The following MSH5 variants were observed in gnomAD, a reference collection of about 807,000 sequenced individuals.
The protein encoded by MSH5 is mutS homolog 5.
In MSH5, 78 loss-of-function variants were observed where a neutral mutation model predicts 107.7. The observed-to-expected ratio is 0.72, with a 90% confidence interval of 0.60 to 0.87. MSH5 has a LOEUF of 0.87. MSH5 is among the 40% of genes least tolerant of loss of function. The pLI is 0.00. For synonymous variants in MSH5, 326 were observed against 399.5 expected (o/e 0.82, Z 2.19); for missense variants, 889 against 1,046.6 (o/e 0.85, Z 2.08).
At chr6:31,753,099 A>T (rs974581654) in intron 10 of MSH5, among the ~76,000 whole-genome samples, 1 of 152,216 alleles carries the variant, frequency 6.6e-6, no homozygotes, top group Non-Finnish European at 1.5e-5. Context: ...AGACACAATT[A>T]TGCTCACATC....
In MSH5 at chr6:31,761,231, T is replaced by C; in HGVS notation, c.2006T>C (p.Leu669Pro). ...AATGCCACTGCACAGTCGCTGGTCC[T>C]TATTGATGAATTTGGAAAGGGAACC... ...VNNATAQSLV[L>P]IDEFGKGTNT... The change falls in exon 21 of 25, where the codon CTT becomes CCT. Residue 669 changes from leucine (L) to proline (P), a missense_variant. Physicochemically the swap from Leu to Pro is moderately conservative, Grantham distance 98. Transcript: ENST00000375750. This position sits in a 1 kb window ranked among gnomAD's most constrained non-coding sequence, Gnocchi z 5.3. 1 of 1,613,960 alleles carries C rather than the reference T, an allele frequency of 6.2e-7. No homozygotes were observed. Among genetic ancestry groups the C allele is most frequent in the African/African-American group, 1.3e-5 (1 of 75,032 alleles).
intron 5 of MSH5, chr6:31,743,482 C>T: frequency 2.0e-6 from 1 of 494,484 alleles, no homozygotes; most frequent in Non-Finnish European, 3.6e-6. Context: ...TATCACCAAA[C>T]CAAAAGGCAC....
rs192230588 is a variant in MSH5 at position 31,758,051 on chromosome 6, C to T, written c.1015-114C>T. ...GTTTCTTTTTGCCTTTGAGATCTTC[C>T]CTCTTTGTTACTGTGATCTTCCCTA... On this transcript the variant is annotated intron_variant, in intron 12 of 24. Transcript: ENST00000375750. This position sits in a 1 kb window ranked among gnomAD's most constrained non-coding sequence, Gnocchi z 5.1. The T allele has an allele frequency of 4.0e-5, 53 of 1,323,330 alleles. No homozygotes were observed. Among genetic ancestry groups the T allele is most frequent in the Non-Finnish European group, 4.8e-5 (45 of 945,906 alleles). The allele number at this position is 1,323,330 out of a possible 1,614,324, so 82.0% of individuals were successfully genotyped here. A position where few individuals can be genotyped will look rare whatever the true frequency, so the allele number is the denominator to read the frequency against.
At position 31,742,879 on chromosome 6, in the gene MSH5, C is replaced by G. The variant is rs1475168724; in HGVS notation, c.274C>G (p.Leu92Val). The G allele has an allele frequency of 6.2e-7, 1 of 1,612,824 alleles. No individual in the cohort carries two copies. The highest frequency in any genetic ancestry group is 8.5e-7 in the Non-Finnish European group (1 of 1,179,946). ...HESLKLLQRV[L>V]DEINPQSVVT... ...TTGATCTCTGTTCTCCTTCCAAGTT[C>G]TGGATGAGATCAATCCCCAGTCTGT... The change falls in exon 4 of 25, where the codon CTG (leucine) becomes GTG (valine). Residue 92 changes from leucine (L) to valine (V), a missense_variant and splice_region_variant. Coordinates refer to ENST00000375750, the MANE Select transcript of MSH5 (RefSeq NM_172166.4).
chr6:31,747,751 A>T (rs1381668621), intron 10 of MSH5, among the ~76,000 whole-genome samples: 1 of 152,192 alleles, frequency 6.6e-6, no homozygotes, highest in Non-Finnish European at 1.5e-5. Flanking sequence ...CACACCTGTA[A>T]TCCCAGCACT....
chr6:31,743,112 C>G lies in MSH5; in HGVS notation c.357C>G (p.Ser119=), dbSNP rs766669165. 1 of 1,612,972 alleles carries G rather than the reference C, an allele frequency of 6.2e-7. No homozygotes were observed. The highest frequency in any genetic ancestry group is 1.7e-5 in the Admixed American group (1 of 60,000). Residue 119 remains serine, a synonymous_variant, in exon 5 of 25, where the codon TCC becomes TCG. Coordinates refer to ENST00000375750, the MANE Select transcript of MSH5 (RefSeq NM_172166.4). The part of the protein sequence containing the change: ...NMTRFLGKLA[S]QEHREPKRPE... ...CTTTTCTTTCCTCCCCCACAGCCTC[C>G]CAGGAGCACAGAGAGCCTAAAAGAC...
intron 9 of MSH5, among the ~76,000 whole-genome samples, chr6:31,745,988 G>T (rs576673803): frequency 2.0e-5 from 3 of 151,706 alleles, no homozygotes; most frequent in African/African-American, 7.3e-5. Flanking sequence ...GGATGATCTC[G>T]ATCTCCTGAC....
At chr6:31,748,522 T>A (rs4713481) in intron 10 of MSH5, among the ~76,000 whole-genome samples, 1 of 151,936 alleles carries the variant, frequency 6.6e-6, no homozygotes, top group African/African-American at 2.4e-5. Flanking sequence ...CTAATTTTTG[T>A]ATTTTCAGTA....
chr6:31,740,241 A>G lies in MSH5; in HGVS notation c.-14+179A>G. The G allele has an allele frequency of 2.1e-6, 1 of 486,444 alleles. No individual in the cohort carries two copies. The highest frequency in any genetic ancestry group is 3.2e-5 in the South Asian group (1 of 30,850). 30.1% of individuals were successfully genotyped at this position (486,444 alleles called of 1,614,324 possible). A position where few individuals can be genotyped will look rare whatever the true frequency, so the allele number is the denominator to read the frequency against. On this transcript the variant is annotated intron_variant, in intron 1 of 24. Coordinates refer to ENST00000375750, the MANE Select transcript of MSH5 (RefSeq NM_172166.4). This position sits in a 1 kb window ranked among gnomAD's most constrained non-coding sequence, Gnocchi z 4.4. ...AAAGGGTAACCTCCGCGTGACAGGA[A>G]TGAGGGTGGGGCGCGTGGAGTTTCC...
At chr6:31,752,415 A>G (rs1810041353) in intron 10 of MSH5, among the ~76,000 whole-genome samples, 1 of 148,188 alleles carries the variant, frequency 6.7e-6, no homozygotes, top group Non-Finnish European at 1.5e-5. Context: ...AAAAAATAAA[A>G]TAAAAAAAAA....
In MSH5 at chr6:31,760,323, C is replaced by T; in HGVS notation, c.1812+107C>T. Reference sequence around the variant, plus strand: ...GCAGCTCTTCTCCCATTTTCTGACCCCGCTCTTCATGAAAGGACCATCACC... The same window carrying T: ...GCAGCTCTTCTCCCATTTTCTGACCTCGCTCTTCATGAAAGGACCATCACC... On this transcript the variant is annotated intron_variant, in intron 19 of 24. Transcript: ENST00000375750. The surrounding 1 kb of genome is among the most constrained non-coding windows in gnomAD (Gnocchi z 5.6). 1.4e-6 allele frequency: 2 copies of T among 1,421,660 alleles called. No homozygotes were observed. The highest frequency in any genetic ancestry group is 2.8e-5 in the South Asian group (2 of 72,686). The allele number at this position is 1,421,660 out of a possible 1,614,324, so 88.1% of individuals were successfully genotyped here. A position where few individuals can be genotyped will look rare whatever the true frequency, so the allele number is the denominator to read the frequency against.
At chr6:31,745,203 A>C in intron 8 of MSH5, 34 bp from the exon 9 acceptor site, 1 of 1,401,140 alleles carries the variant, frequency 7.1e-7, no homozygotes, top group Non-Finnish European at 1.0e-6. Context: ...CAAAAGTCCA[A>C]GTTACCCCAA....
At chr6:31,757,053 C>G (rs1810503885) in intron 12 of MSH5, 1 of 152,122 alleles carries the variant, frequency 6.6e-6, no homozygotes, top group Non-Finnish European at 1.5e-5. Flanking sequence ...GAAATGAGCA[C>G]CCCCCACCTT....
rs1421161550 is a variant in MSH5 at position 31,742,975 on chromosome 6, G to A, written c.352+18G>A. On this transcript the variant is annotated intron_variant, in intron 4 of 24. Transcript: ENST00000375750. ...AAAGCTTGGTAAGGACTTGGTAAAG[G>A]ATAGAGGGAAAATGGGGAAGGACTA... is the stretch of plus-strand genomic sequence containing the variant. 6.2e-7 allele frequency: 1 copy of A among 1,612,804 alleles called. No individual in the cohort carries two copies. The highest frequency in any genetic ancestry group is 2.2e-5 in the East Asian group (1 of 44,870).
chr6:31,743,099 C>T lies in MSH5; in HGVS notation c.353-9C>T. The T allele has an allele frequency of 6.2e-7, 1 of 1,612,936 alleles. No homozygotes were observed. Among genetic ancestry groups the T allele is most frequent in the South Asian group, 1.1e-5 (1 of 91,072 alleles). ...AAAGAATGATAGCCTTTTCTTTCCT[C>T]CCCCACAGCCTCCCAGGAGCACAGA... is the stretch of plus-strand genomic sequence containing the variant. On this transcript the variant is annotated splice_polypyrimidine_tract_variant and intron_variant, in intron 4 of 24. Transcript: ENST00000375750.
chr6:31,756,426 C>CGGGTA (rs1810450162), intron 12 of MSH5, among the ~76,000 whole-genome samples: 1 of 152,036 alleles, frequency 6.6e-6, no homozygotes, highest in Non-Finnish European at 1.5e-5. Context: ...CCCGCCTCAG[C>CGGGTA]CTCCCAAAGT....
intron 12 of MSH5, chr6:31,754,168 TAGAC>T (rs894515133): frequency 2.6e-5 from 4 of 152,926 alleles, no homozygotes; most frequent in African/African-American, 9.7e-5. Context: ...TTTTTTTTTT[TAGAC>T]AGAGTCTTGC....
At position 31,759,481 on chromosome 6, in the gene MSH5, A is replaced by G. The variant is rs199862100; in HGVS notation, c.1464A>G (p.Ala488=). The part of the protein sequence containing the change: ...YRSARTKELD[A]LLGDLHCEIR... ...GTGCCCGAACCAAGGAGCTGGATGC[A>G]TTGCTGGGGGACCTGCACTGCGAGA... is the stretch of plus-strand genomic sequence containing the variant. Residue 488 remains alanine (A), a synonymous_variant, in exon 17 of 25, where the codon GCA becomes GCG. Coordinates refer to ENST00000375750, the MANE Select transcript of MSH5 (RefSeq NM_172166.4). The surrounding 1 kb of genome is among the most constrained non-coding windows in gnomAD (Gnocchi z 4.7). The G allele has an allele frequency of 3.7e-6, 6 of 1,612,656 alleles. No individual in the cohort carries two copies. The highest frequency in any genetic ancestry group is 2.2e-5 in the South Asian group (2 of 91,068).
At chr6:31,747,876 T>C (rs1465516869) in intron 10 of MSH5, among the ~76,000 whole-genome samples, 1 of 152,008 alleles carries the variant, frequency 6.6e-6, no homozygotes, top group East Asian at 1.9e-4. Context: ...TGTTGGTAGG[T>C]GCCTGTAATT....
Sources: gnomAD v4.1 joint callset for allele counts (sites outside exome capture counted in the v4.1 genomes callset) on GRCh38, gnomAD v4.1.1 for gene constraint, Gnocchi (gnomAD v3.1) non-coding constraint, MANE v1.5 for transcripts, NCBI Gene and HGNC (gene_info 2026-07-23, HGNC 2026-07-21) for gene names.